The following FOCAD variants were observed in gnomAD, a reference collection of about 807,000 sequenced individuals.
The protein encoded by FOCAD is focadhesin.
A neutral mutation model predicts 225.6 loss-of-function variants in FOCAD; 198 were observed. The observed-to-expected ratio is 0.88, with a 90% CI of 0.78 to 0.99. FOCAD has a LOEUF of 0.99. FOCAD is among the 50% of genes least tolerant of loss of function. The probability of loss-of-function intolerance (pLI) is 0.00; values close to 1 mark genes in which losing one functional copy is unlikely to be tolerated. For synonymous variants in FOCAD, 897 were observed against 755.0 expected (o/e 1.19, Z -3.08); for missense variants, 2,713 against 2,123.6 (o/e 1.28, Z -5.46).
chr9:20,798,455 C>A (rs187607413), intron 11 of FOCAD, among the ~76,000 whole-genome samples: 1 of 152,148 alleles, frequency 6.6e-6, no homozygotes, highest in South Asian at 2.1e-4. Flanking sequence ...TGGTAGAATT[C>A]GGCTGTGAAT....
At chr9:20,692,221 T>C (rs956971855) in intron 1 of FOCAD, among the ~76,000 whole-genome samples, 7 of 152,174 alleles carry the variant, frequency 4.6e-5, no homozygotes, top group African/African-American at 7.2e-5. Context: ...TTTTTACCTA[T>C]AATCTTTCCT....
chr9:20,673,518 TTTTCA>T (rs1341430267), intron 2 of FOCAD, among the ~76,000 whole-genome samples: 1 of 152,224 alleles, frequency 6.6e-6, no homozygotes, highest in African/African-American at 2.4e-5. Flanking sequence ...ATTGAGCATC[TTTTCA>T]TTTATTTACT....
chr9:20,784,841 A>G (rs1819748037), intron 10 of FOCAD, among the ~76,000 whole-genome samples: 1 of 152,190 alleles, frequency 6.6e-6, no homozygotes, highest in Admixed American at 6.5e-5. Context: ...GTTAACATTT[A>G]TTGAACATGT....
At chr9:20,926,699 C>T (rs1834982146) in intron 26 of FOCAD, among the ~76,000 whole-genome samples, 1 of 151,398 alleles carries the variant, frequency 6.6e-6, no homozygotes, top group Non-Finnish European at 1.5e-5. Flanking sequence ...AGGAGAATCA[C>T]TTTAACCCGG....
At chr9:20,699,388 C>A (rs1042311718) in intron 1 of FOCAD, among the ~76,000 whole-genome samples, 2 of 151,864 alleles carry the variant, frequency 1.3e-5, no homozygotes, top group African/African-American at 4.8e-5. Context: ...GAAAAGTTCC[C>A]TTAGGCCTGT....
intron 1 of FOCAD, among the ~76,000 whole-genome samples, chr9:20,696,802 T>TATAATAATA (rs550289375): frequency 1.3e-5 from 2 of 150,874 alleles, no homozygotes; most frequent in Admixed American, 1.3e-4. Flanking sequence ...GACTCTATCT[T>TATAATAATA]ATAATAATAA....
Position 20,953,049 on chromosome 9 carries a change from T to TGAAAA in FOCAD, c.4116_4117insGAAAA (p.Thr1373GlufsTer19). 1 of 1,613,000 alleles carries TGAAAA rather than the reference T, an allele frequency of 6.2e-7. No individual in the cohort carries two copies. The highest frequency in any genetic ancestry group is 8.5e-7 in the Non-Finnish European group (1 of 1,179,540). On this transcript the variant is annotated frameshift_variant, in exon 35 of 44. Coordinates refer to ENST00000338382, the MANE Select transcript of FOCAD (RefSeq NM_001375567.1). LOFTEE classifies it high-confidence loss of function. ...TTGGAGCAGCTATTGGCTTCTTCAT[T>TGAAAA]ACAGGAGGAAAAAAAGGCAAGTGAG...
chr9:20,771,291 C>G (rs368678972), intron 8 of FOCAD, among the ~76,000 whole-genome samples: 8 of 152,160 alleles, frequency 5.3e-5, no homozygotes, highest in African/African-American at 9.7e-5. Context: ...ATTTTATCCT[C>G]TAGGCAATGA....
intron 11 of FOCAD, among the ~76,000 whole-genome samples, chr9:20,814,816 A>C (rs942102060): frequency 6.6e-6 from 1 of 152,086 alleles, no homozygotes; most frequent in Non-Finnish European, 1.5e-5. Flanking sequence ...TTATGTTACC[A>C]ATGTCACAAA....
intron 10 of FOCAD, among the ~76,000 whole-genome samples, chr9:20,788,204 G>T (rs1182996041): frequency 6.6e-6 from 1 of 152,174 alleles, no homozygotes; most frequent in East Asian, 1.9e-4. Context: ...AGTGAAAGAA[G>T]CTGGTCACAA....
At chr9:20,698,851 CA>C (rs140049896) in intron 1 of FOCAD, among the ~76,000 whole-genome samples, 4,242 of 152,160 alleles carry the variant, frequency 0.028, 84 homozygotes, top group Middle Eastern at 0.068. Flanking sequence ...AATACTTTTG[CA>C]AAAAGTGTGC....
chr9:20,684,035 A>C (rs1563873840), upstream of FOCAD: 1 of 152,360 alleles, frequency 6.6e-6, no homozygotes, highest in Non-Finnish European at 1.5e-5. Context: ...CCCCGCGCGC[A>C]GCCCTCCCCG....
At position 20,813,410 on chromosome 9, in the gene FOCAD, T is replaced by A. The variant is rs79297566; in HGVS notation, c.1456-6386T>A. On this transcript the variant is annotated intron_variant, in intron 11 of 43. Coordinates refer to ENST00000338382, the MANE Select transcript of FOCAD (RefSeq NM_001375567.1). Reference sequence around the variant, plus strand: ...CGATCATAGAGTAGATTAAAAAAAATTTTTTTTGAGGAACCTTCATGCTGT... The same window carrying A: ...CGATCATAGAGTAGATTAAAAAAAAATTTTTTTGAGGAACCTTCATGCTGT... 3.2e-4 allele frequency among the ~76,000 whole-genome samples: 48 copies of A among 151,876 alleles called. No individual in the cohort carries two copies. In the East Asian group the frequency reaches 7.7e-3, roughly 24 times the overall value.
chr9:20,900,712 T>G (rs569383947), intron 21 of FOCAD, among the ~76,000 whole-genome samples: 25 of 152,098 alleles, frequency 1.6e-4, no homozygotes, highest in Middle Eastern at 3.4e-3. Context: ...GTGAAAAGTA[T>G]GGTTTGCTGT....
intron 21 of FOCAD, among the ~76,000 whole-genome samples, chr9:20,897,522 T>C (rs757088399): frequency 5.9e-5 from 9 of 151,736 alleles, no homozygotes; most frequent in Non-Finnish European, 1.3e-4. Flanking sequence ...TTTGTTAGCA[T>C]ATCAGTTATG....
chr9:20,981,561 C>T lies in FOCAD; in HGVS notation c.4513C>T (p.Leu1505=), dbSNP rs1275052380. The change falls in exon 38 of 44, where the codon CTA becomes TTA. Residue 1505 remains leucine (L), a synonymous_variant. Transcript: ENST00000338382. ...AGCTTCCCCACTTGGAAGTCCTGAG[C>T]TATGCCCAAGTGCTTTACACGGTCT... is the stretch of plus-strand genomic sequence containing the variant. ...KAASPLGSPE[L]CPSALHGLSQ... The T allele has an allele frequency of 6.2e-7, 1 of 1,613,970 alleles. No individual in the cohort carries two copies. The highest frequency in any genetic ancestry group is 1.3e-5 in the African/African-American group (1 of 74,920).
chr9:20,715,153 G>T (rs965084412), intron 1 of FOCAD, among the ~76,000 whole-genome samples, 169 bp from the exon 2 acceptor site: 1 of 152,112 alleles, frequency 6.6e-6, no homozygotes, highest in African/African-American at 2.4e-5. Flanking sequence ...ACATTTGAGT[G>T]CTGGATGACA....
intron 11 of FOCAD, among the ~76,000 whole-genome samples, chr9:20,806,329 C>A (rs946523782): frequency 3.3e-5 from 5 of 152,190 alleles, no homozygotes; most frequent in African/African-American, 9.7e-5. Context: ...GAGCCTGCCT[C>A]TTTCGGCCTC....
intron 11 of FOCAD, among the ~76,000 whole-genome samples, chr9:20,802,785 C>T (rs1821988774): frequency 6.6e-6 from 1 of 152,022 alleles, no homozygotes; most frequent in Non-Finnish European, 1.5e-5. Context: ...AAAACATAAG[C>T]AGGTGTTGAA....
Sources: gnomAD v4.1 joint callset for allele counts (sites outside exome capture counted in the v4.1 genomes callset) on GRCh38, gnomAD v4.1.1 for gene constraint, MANE v1.5 for transcripts, NCBI Gene and HGNC (gene_info 2026-07-23, HGNC 2026-07-21) for gene names.